Variants in STARD3NL observed in about 807,000 individuals in gnomAD.
STARD3NL encodes STARD3 N-terminal like.
A neutral mutation model predicts 30.9 loss-of-function variants in STARD3NL; 17 were observed. The ratio of observed to expected loss-of-function variants is 0.55; its 90% CI spans 0.38 to 0.82. The LOEUF (loss-of-function observed/expected upper bound fraction) is 0.82, where lower values mean the gene tolerates loss of function less well. Ranked by LOEUF, STARD3NL falls within the 40% of genes least tolerant of loss-of-function variation. STARD3NL has a pLI of 0.00. For synonymous variants in STARD3NL, 112 were observed against 100.5 expected, an observed-to-expected ratio of 1.11 and a Z score of -0.69; for missense variants, 234 against 277.6, an observed-to-expected ratio of 0.84 and a Z score of 1.12.
At chr7:38,224,572 C>G (rs769712430) in intron 7 of STARD3NL, among the ~76,000 whole-genome samples, 2 of 152,294 alleles carry the variant, frequency 1.3e-5, no homozygotes, top group South Asian at 4.1e-4. Flanking sequence ...CCCACACTCT[C>G]CTGCTTCGTC....
Position 38,230,547 on chromosome 7 carries a change from G to A in STARD3NL, c.*642G>A, listed in dbSNP as rs1787041123. 1 of 152,158 alleles carries A rather than the reference G, an allele frequency of 6.6e-6. No homozygotes were observed. Among genetic ancestry groups the A allele is most frequent in the Non-Finnish European group, 1.5e-5 (1 of 68,028 alleles). 9.4% of individuals were successfully genotyped at this position (152,158 alleles called of 1,614,324 possible). On this transcript the variant is annotated 3_prime_UTR_variant, in exon 9 of 9. Coordinates refer to ENST00000009041, the MANE Select transcript of STARD3NL (RefSeq NM_032016.4). ...TGTATTATTTTTATCATGAAATCATGTTTTTCTCTGATTGTTCTGAAATGT... is the reference window on the plus strand; with the variant it reads ...TGTATTATTTTTATCATGAAATCATATTTTTCTCTGATTGTTCTGAAATGT...
rs182508412 is a variant in STARD3NL at position 38,230,523 on chromosome 7, G to A, written c.*618G>A. On this transcript the variant is annotated 3_prime_UTR_variant, in exon 9 of 9. Coordinates refer to ENST00000009041, the MANE Select transcript of STARD3NL (RefSeq NM_032016.4). ...ACATGTAAAATGTCACCAGACATTT[G>A]TATTATTTTTATCATGAAATCATGT... The A allele has an allele frequency of 1.2e-4, 18 of 152,344 alleles. No homozygotes were observed. The highest frequency in any genetic ancestry group is 1.0e-3 in the Admixed American group (16 of 15,298). 9.4% of individuals were successfully genotyped at this position (152,344 alleles called of 1,614,324 possible).
At chr7:38,178,840 C>G (rs7783754) in intron 1 of STARD3NL, among the ~76,000 whole-genome samples, 1,847 of 142,890 alleles carry the variant, frequency 0.013, 49 homozygotes, top group African/African-American at 0.047. Context: ...TGAGTCTCTT[C>G]TATTCATTGA....
At chr7:38,180,475 T>A (rs1784202386) in intron 1 of STARD3NL, among the ~76,000 whole-genome samples, 1 of 152,254 alleles carries the variant, frequency 6.6e-6, no homozygotes, top group African/African-American at 2.4e-5. Context: ...TTGTTCTTCA[T>A]TAGAGCTTGT....
intron 1 of STARD3NL, among the ~76,000 whole-genome samples, chr7:38,190,457 G>T (rs1278087659): frequency 2.0e-5 from 3 of 152,164 alleles, no homozygotes; most frequent in Non-Finnish European, 4.4e-5. Context: ...CATATTGTGT[G>T]TATGTGTGTA....
intron 3 of STARD3NL, among the ~76,000 whole-genome samples, chr7:38,214,745 T>C (rs1786003665): frequency 6.6e-6 from 1 of 152,248 alleles, no homozygotes; most frequent in African/African-American, 2.4e-5. Flanking sequence ...ATCTAGTCAC[T>C]GAAAGGAAAA....
chr7:38,184,329 G>A (rs1338751998), intron 1 of STARD3NL, among the ~76,000 whole-genome samples: 3 of 152,044 alleles, frequency 2.0e-5, no homozygotes, highest in Non-Finnish European at 4.4e-5. Context: ...CATATGTGTC[G>A]CTTCCTATAG....
In STARD3NL at chr7:38,219,561, C is replaced by G. The variant is rs1316218313; in HGVS notation, c.554-4C>G. ...TCCCAACATCTGAATTTCTTCTCTT[C>G]CAGGACTCCTGATAGTTCAGGATGC... is the stretch of plus-strand genomic sequence containing the variant. On this transcript the variant is annotated splice_region_variant and splice_polypyrimidine_tract_variant and intron_variant, in intron 6 of 8. Coordinates refer to ENST00000009041, the MANE Select transcript of STARD3NL (RefSeq NM_032016.4). 6.3e-6 allele frequency: 10 copies of G among 1,590,604 alleles called. 1 individual carries two copies. The South Asian group carries it at 1.0e-4, about 16-fold the overall frequency.
intron 7 of STARD3NL, among the ~76,000 whole-genome samples, chr7:38,225,194 GTTTTC>G (rs1356137395): frequency 6.6e-6 from 1 of 151,988 alleles, no homozygotes; most frequent in Non-Finnish European, 1.5e-5. Flanking sequence ...TTTTAATTGT[GTTTTC>G]TTTTTATTAT....
intron 1 of STARD3NL, among the ~76,000 whole-genome samples, chr7:38,191,344 G>C (rs1284439348): frequency 6.6e-6 from 1 of 152,022 alleles, no homozygotes; most frequent in Non-Finnish European, 1.5e-5. Flanking sequence ...CAACATTACT[G>C]TCATTATTCA....
At chr7:38,214,973 C>A in intron 3 of STARD3NL, 55 bp from the exon 4 acceptor site, 1 of 1,496,072 alleles carries the variant, frequency 6.7e-7, no homozygotes, top group Non-Finnish European at 9.2e-7. Flanking sequence ...TTTCATAAAG[C>A]TGTGTCATTT....
At chr7:38,203,394 G>A (rs1311796666) in intron 1 of STARD3NL, among the ~76,000 whole-genome samples, 8 of 152,110 alleles carry the variant, frequency 5.3e-5, no homozygotes. Context: ...CATAAGTGAA[G>A]GAGAAATAAA....
intron 1 of STARD3NL, among the ~76,000 whole-genome samples, chr7:38,202,794 A>AT (rs917437414): frequency 1.1e-4 from 16 of 141,914 alleles, no homozygotes; most frequent in Non-Finnish European, 2.0e-4. Context: ...TCATTGTTCA[A>AT]TTCCCACCTA....
intron 1 of STARD3NL, among the ~76,000 whole-genome samples, chr7:38,184,281 G>C (rs941745527): frequency 2.0e-5 from 3 of 152,114 alleles, no homozygotes; most frequent in Non-Finnish European, 2.9e-5. Context: ...AGGGAGAACT[G>C]GGGCAAAGGC....
chr7:38,227,654 C>G (rs1014580051), intron 7 of STARD3NL, among the ~76,000 whole-genome samples: 3 of 152,128 alleles, frequency 2.0e-5, no homozygotes, highest in African/African-American at 7.2e-5. Flanking sequence ...TTGGTCTTCT[C>G]TCAGGGCCTC....
chr7:38,215,817 G>C (rs970468625), intron 4 of STARD3NL: 10 of 152,334 alleles, frequency 6.6e-5, no homozygotes, highest in African/African-American at 1.7e-4. Flanking sequence ...TGCAATTAGA[G>C]GGTGAGAGCT....
At chr7:38,218,209 T>C (rs898647421) in intron 6 of STARD3NL, among the ~76,000 whole-genome samples, 2 of 152,146 alleles carry the variant, frequency 1.3e-5, no homozygotes, top group East Asian at 3.9e-4. Context: ...TGGCTCAATT[T>C]GCCCTGCCTC....
At chr7:38,203,185 A>T (rs889591904) in intron 1 of STARD3NL, among the ~76,000 whole-genome samples, 36 of 152,188 alleles carry the variant, frequency 2.4e-4, no homozygotes, top group African/African-American at 8.7e-4. Context: ...TAATTGTCAG[A>T]TTCACCGAAG....
In STARD3NL at chr7:38,207,620, C is replaced by A. The variant is rs1785564105; in HGVS notation, c.116C>A (p.Ser39Tyr). 1 of 1,614,020 alleles carries A rather than the reference C, an allele frequency of 6.2e-7. No individual in the cohort carries two copies. The highest frequency in any genetic ancestry group is 8.5e-7 in the Non-Finnish European group (1 of 1,179,952). Residue 39 changes from serine to tyrosine, a missense_variant, in exon 2 of 9, where the codon TCC becomes TAC. Ser to Tyr is a moderately radical substitution (Grantham distance 144). Coordinates refer to ENST00000009041, the MANE Select transcript of STARD3NL (RefSeq NM_032016.4). ...NPTQLMARIE[S>Y]YEGREKKGIS... ...ACACAACTCATGGCCAGGATTGAGTCCTATGAAGGAAGGGAAAAGAAAGGC... is the reference window on the plus strand; with the variant it reads ...ACACAACTCATGGCCAGGATTGAGTACTATGAAGGAAGGGAAAAGAAAGGC...
Sources: gnomAD v4.1 joint callset for allele counts (sites outside exome capture counted in the v4.1 genomes callset) on GRCh38, gnomAD v4.1.1 for gene constraint, MANE v1.5 for transcripts, NCBI Gene and HGNC (gene_info 2026-07-23, HGNC 2026-07-21) for gene names.